FAM131B: variants seen among roughly 807,000 people sequenced by gnomAD.
The protein encoded by FAM131B is protein FAM131B.
Under a neutral mutation model 42.0 loss-of-function variants are expected in FAM131B, and 19 were observed. The observed-to-expected ratio is 0.45, with a 90% CI of 0.32 to 0.66. The LOEUF is 0.66. Among genes scored for constraint, FAM131B ranks in the 30% least tolerant of loss-of-function variants. FAM131B has a pLI of 0.05. For synonymous variants in FAM131B, 183 were observed against 177.6 expected, an observed-to-expected ratio of 1.03 and a Z score of -0.24; for missense variants, 370 against 468.4, an observed-to-expected ratio of 0.79 and a Z score of 1.94.
chr7:143,377,321 T>C, the FAM131B span, among the ~76,000 whole-genome samples: 1 of 152,198 alleles, frequency 6.6e-6, no homozygotes. Flanking sequence ...CGTATACATA[T>C]AGCTTGCATA....
Position 143,362,046 on chromosome 7 carries a change from C to T in FAM131B, c.28+530G>A. 3.0e-6 allele frequency: 3 copies of T among 985,094 alleles called. No homozygotes were observed. The highest frequency in any genetic ancestry group is 3.6e-6 in the Non-Finnish European group (3 of 829,660). 61.0% of individuals were successfully genotyped at this position (985,094 alleles called of 1,614,324 possible). On this transcript the variant is annotated intron_variant, in intron 1 of 6. Coordinates refer to ENST00000443739, the MANE Select transcript of FAM131B (RefSeq NM_001031690.3). This position sits in a 1 kb window ranked among gnomAD's most constrained non-coding sequence, Gnocchi z 7.7. ...CAAAGCGAATCGGAGGAGGCAGGAACGACAGTAAAAGGCAACGGAGAGGGA... is the reference window on the plus strand; with the variant it reads ...CAAAGCGAATCGGAGGAGGCAGGAATGACAGTAAAAGGCAACGGAGAGGGA...
At chr7:143,381,519 C>T in the FAM131B span, 1 of 1,568,618 alleles carries the variant, frequency 6.4e-7, no homozygotes, top group African/African-American at 1.4e-5. Flanking sequence ...GGCTCCTGAG[C>T]CCGGCTCCGC....
chr7:143,366,549 G>A (rs1244086543), upstream of FAM131B, among the ~76,000 whole-genome samples: 2 of 150,062 alleles, frequency 1.3e-5, no homozygotes, highest in Non-Finnish European at 3.0e-5. Context: ...CAGTAACAAA[G>A]GTCTGTATTC....
chr7:143,362,708 G>T lies in FAM131B; in HGVS notation c.-105C>A. The T allele has an allele frequency of 2.0e-6, 1 of 491,134 alleles. No individual in the cohort carries two copies. Among genetic ancestry groups the T allele is most frequent in the Non-Finnish European group, 3.0e-6 (1 of 338,668 alleles). The allele number at this position is 491,134 out of a possible 1,614,324, so 30.4% of individuals were successfully genotyped here. On this transcript the variant is annotated 5_prime_UTR_variant, in exon 1 of 7. Coordinates refer to ENST00000443739, the MANE Select transcript of FAM131B (RefSeq NM_001031690.3). The surrounding 1 kb of genome is among the most constrained non-coding windows in gnomAD (Gnocchi z 7.7). ...CCAGCCGCTCTGCAGCGCCGCGGCT[G>T]TCTCCGCTCGGCTCCGCTCCCCCCT...
chr7:143,359,069 T>TA lies in FAM131B; in HGVS notation c.269-46dup. The stretch of plus-strand genomic sequence containing the variant: ...CCACATCCTCCAGAATATCACACAA[T>TA]ACCCATAACCAGACCCTCCCAGTTC... On this transcript the variant is annotated intron_variant, in intron 4 of 6. Transcript: ENST00000443739. The surrounding 1 kb of genome is among the most constrained non-coding windows in gnomAD (Gnocchi z 5.4). 1 of 1,576,668 alleles carries TA rather than the reference T, an allele frequency of 6.3e-7. No individual in the cohort carries two copies. The highest frequency in any genetic ancestry group is 8.7e-7 in the Non-Finnish European group (1 of 1,153,798).
chr7:143,376,785 A>G, the FAM131B span, among the ~76,000 whole-genome samples: 1 of 152,232 alleles, frequency 6.6e-6, no homozygotes. Context: ...CCGAGTGCAC[A>G]CAGTACTCAG....
At chr7:143,369,396 C>T in the FAM131B span, among the ~76,000 whole-genome samples, 5 of 152,256 alleles carry the variant, frequency 3.3e-5, no homozygotes, top group Middle Eastern at 3.4e-3. Flanking sequence ...ATGTTTTGGC[C>T]GGGCGCGGTG....
At chr7:143,377,243 C>T in the FAM131B span, among the ~76,000 whole-genome samples, 1 of 152,224 alleles carries the variant, frequency 6.6e-6, no homozygotes, top group African/African-American at 2.4e-5. Flanking sequence ...CAGGCATGAG[C>T]CACTGCGCCT....
intron 6 of FAM131B, 124 bp from the exon 7 acceptor site, chr7:143,357,146 C>T: frequency 8.7e-7 from 1 of 1,143,834 alleles, no homozygotes; most frequent in South Asian, 1.4e-5. Flanking sequence ...ACAGAGTGCA[C>T]AGTGAGTAGG....
upstream of FAM131B, among the ~76,000 whole-genome samples, chr7:143,366,973 G>T (rs1398829959): frequency 6.6e-6 from 1 of 152,134 alleles, no homozygotes; most frequent in African/African-American, 2.4e-5. Context: ...TCATACACAG[G>T]GGCAGACTCA....
Position 143,359,143 on chromosome 7 carries a change from T to A in FAM131B, c.269-119A>T. 8.8e-7 allele frequency: 1 copy of A among 1,139,318 alleles called. No homozygotes were observed. The highest frequency in any genetic ancestry group is 1.3e-6 in the Non-Finnish European group (1 of 790,736). 70.6% of individuals were successfully genotyped at this position (1,139,318 alleles called of 1,614,324 possible). A position where few individuals can be genotyped will look rare whatever the true frequency, so the allele number is the denominator to read the frequency against. On this transcript the variant is annotated intron_variant, in intron 4 of 6. Transcript: ENST00000443739. The surrounding 1 kb of genome is among the most constrained non-coding windows in gnomAD (Gnocchi z 5.4). ...TCCATCCCACTGGGCCAGGCTCCCC[T>A]AAGGACTCCATAGATGGGGTAGTGG...
chr7:143,376,730 G>T, the FAM131B span, among the ~76,000 whole-genome samples: 1 of 152,212 alleles, frequency 6.6e-6, no homozygotes, highest in Non-Finnish European at 1.5e-5. Context: ...CAGGCCAGTG[G>T]GATGAGAGGG....
At chr7:143,370,094 G>A in the FAM131B span, among the ~76,000 whole-genome samples, 1 of 152,150 alleles carries the variant, frequency 6.6e-6, no homozygotes, top group African/African-American at 2.4e-5. Context: ...GTGGCTAGTG[G>A]TAGTCAAGCC....
the FAM131B span, chr7:143,380,545 C>T: frequency 2.0e-6 from 2 of 985,520 alleles, no homozygotes; most frequent in Middle Eastern, 5.2e-4. This position sits in a 1 kb window ranked among gnomAD's most constrained non-coding sequence, Gnocchi z 5.0. Flanking sequence ...GCGGCCGCCG[C>T]CTCGGCCCCG....
chr7:143,369,506 C>G, the FAM131B span, among the ~76,000 whole-genome samples: 1 of 152,040 alleles, frequency 6.6e-6, no homozygotes, highest in Non-Finnish European at 1.5e-5. Flanking sequence ...GAAACCCCGT[C>G]TCTACTAAAA....
At position 143,359,428 on chromosome 7, in the gene FAM131B, G is replaced by A. The variant is rs1474621403; in HGVS notation, c.175-9C>T. On this transcript the variant is annotated splice_polypyrimidine_tract_variant and intron_variant, in intron 3 of 6. Coordinates refer to ENST00000443739, the MANE Select transcript of FAM131B (RefSeq NM_001031690.3). The surrounding 1 kb of genome is among the most constrained non-coding windows in gnomAD (Gnocchi z 5.4). Reference sequence around the variant, plus strand: ...GTGTCCTCCATGGAGAGCTGGGATGGGAATGTGGGAGGAAGGGCAGAGGAA... The same window carrying A: ...GTGTCCTCCATGGAGAGCTGGGATGAGAATGTGGGAGGAAGGGCAGAGGAA... 6.2e-7 allele frequency: 1 copy of A among 1,605,572 alleles called. No individual in the cohort carries two copies. The highest frequency in any genetic ancestry group is 1.1e-5 in the South Asian group (1 of 90,634).
chr7:143,358,697 A>C lies in FAM131B; in HGVS notation c.466+130T>G. 1.5e-6 allele frequency: 1 copy of C among 681,290 alleles called. No homozygotes were observed. Among genetic ancestry groups the C allele is most frequent in the Admixed American group, 2.3e-5 (1 of 42,990 alleles). 42.2% of individuals were successfully genotyped at this position (681,290 alleles called of 1,614,324 possible). ...TGAATTACCACATCAAAATACTTAGAGCTGTTTGGGAAATGTGAATCTACG... is the reference window on the plus strand; with the variant it reads ...TGAATTACCACATCAAAATACTTAGCGCTGTTTGGGAAATGTGAATCTACG... On this transcript the variant is annotated intron_variant, in intron 5 of 6. Transcript: ENST00000443739. The surrounding 1 kb of genome is among the most constrained non-coding windows in gnomAD (Gnocchi z 4.7).
upstream of FAM131B, among the ~76,000 whole-genome samples, chr7:143,364,738 T>C (rs969961569): frequency 3.3e-5 from 5 of 152,230 alleles, no homozygotes; most frequent in Non-Finnish European, 7.3e-5. Context: ...GGTCTTCTTA[T>C]ACAAGGATTC....
chr7:143,372,733 C>A, the FAM131B span, among the ~76,000 whole-genome samples: 4 of 152,020 alleles, frequency 2.6e-5, no homozygotes, highest in Non-Finnish European at 4.4e-5. Context: ...CTGAGACAGG[C>A]GGATCATCTG....
Sources: gnomAD v4.1 joint callset for allele counts (sites outside exome capture counted in the v4.1 genomes callset) on GRCh38, gnomAD v4.1.1 for gene constraint, Gnocchi (gnomAD v3.1) non-coding constraint, MANE v1.5 for transcripts, NCBI Gene and HGNC (gene_info 2026-07-23, HGNC 2026-07-21) for gene names.